The following NUP210 variants were observed in gnomAD, a reference collection of about 807,000 sequenced individuals.
NUP210 encodes the protein nucleoporin 210, also known as nuclear pore membrane glycoprotein 210.
Under a neutral mutation model 196.0 loss-of-function variants are expected in NUP210, and 151 were observed. The observed-to-expected ratio is 0.77, with a 90% CI of 0.67 to 0.88. The LOEUF is 0.88. Among genes scored for constraint, NUP210 ranks in the 40% least tolerant of loss-of-function variants. NUP210 has a pLI of 0.00. For synonymous variants in NUP210, 1,070 were observed against 1,052.7 expected (o/e 1.02, Z -0.32); for missense variants, 2,314 against 2,493.7 (o/e 0.93, Z 1.53).
At chr3:13,385,289 TGGAAC>T (rs1430556027) in intron 6 of NUP210, among the ~76,000 whole-genome samples, 2 of 152,140 alleles carry the variant, frequency 1.3e-5, no homozygotes, top group African/African-American at 4.8e-5. Context: ...GTATCACAGG[TGGAAC>T]CAACCTACCA....
chr3:13,388,430 G>A lies in NUP210; in HGVS notation c.557C>T (p.Thr186Met), dbSNP rs201610209. 2.1e-5 allele frequency: 33 copies of A among 1,608,710 alleles called. No homozygotes were observed. The highest frequency in any genetic ancestry group is 2.2e-5 in the South Asian group (2 of 90,146). The change falls in exon 5 of 40, where the codon ACG becomes ATG. Residue 186 changes from threonine (T) to methionine (M), a missense_variant. Transcript: ENST00000254508. Reference protein sequence around the residue: ...ALRILTFLESTYIPPSYISEM... With the variant: ...ALRILTFLESMYIPPSYISEM... ...TGAGATGTAAGAAGGAGGGATGTAC[G>A]TAGACTCCAAGAAAGTGAGGATTCT...
chr3:13,339,912 A>T lies in NUP210; in HGVS notation c.3413T>A (p.Val1138Glu). The change falls in exon 25 of 40, where the codon GTG (valine) becomes GAG (glutamate). Residue 1138 changes from valine to glutamate, a missense_variant. Transcript: ENST00000254508. The stretch of plus-strand genomic sequence containing the variant: ...ATCCACTGCCTGCACGAGCCCAGAC[A>T]CAGTGCCGTTCCCGATGGCGAGGCC... ...VQGLAIGNGT[V>E]SGLVQAVDAE... 1 of 1,614,052 alleles carries T rather than the reference A, an allele frequency of 6.2e-7. No individual in the cohort carries two copies. Among genetic ancestry groups the T allele is most frequent in the Admixed American group, 1.7e-5 (1 of 60,030 alleles).
chr3:13,357,832 C>T (rs1316455569), intron 16 of NUP210, among the ~76,000 whole-genome samples: 2 of 152,200 alleles, frequency 1.3e-5, no homozygotes, highest in African/African-American at 4.8e-5. Flanking sequence ...CCTCAGCAGC[C>T]CCCACGCCTA....
At chr3:13,349,757 T>C (rs1345004621) in intron 20 of NUP210, among the ~76,000 whole-genome samples, 1 of 152,188 alleles carries the variant, frequency 6.6e-6, no homozygotes, top group Non-Finnish European at 1.5e-5. Flanking sequence ...AGTCCAAGCC[T>C]AAGCACACTC....
chr3:13,343,402 C>A, intron 20 of NUP210, 99 bp from the exon 21 acceptor site: 1 of 1,435,728 alleles, frequency 7.0e-7, no homozygotes, highest in Non-Finnish European at 9.4e-7. Flanking sequence ...GCCCTCAGCA[C>A]CAGCCTATCA....
intron 4 of NUP210, among the ~76,000 whole-genome samples, 156 bp from the exon 5 acceptor site, chr3:13,388,609 G>A (rs1341294741): frequency 2.6e-5 from 4 of 152,334 alleles, no homozygotes; most frequent in Middle Eastern, 6.8e-3. Context: ...CTAGAGACAC[G>A]GCCCTGCAGC....
At chr3:13,406,505 G>A (rs1700006684) in intron 1 of NUP210, among the ~76,000 whole-genome samples, 1 of 152,148 alleles carries the variant, frequency 6.6e-6, no homozygotes, top group South Asian at 2.1e-4. Flanking sequence ...AGCACTCAAG[G>A]ACACACAGGG....
At chr3:13,322,842 G>C (rs536881891) in intron 34 of NUP210, among the ~76,000 whole-genome samples, 1 of 152,328 alleles carries the variant, frequency 6.6e-6, no homozygotes, top group African/African-American at 2.4e-5. Flanking sequence ...CCAGTGAGGT[G>C]GTTTAAGAAA....
intron 1 of NUP210, among the ~76,000 whole-genome samples, chr3:13,403,903 T>C (rs947748201): frequency 6.6e-6 from 1 of 152,074 alleles, no homozygotes; most frequent in Non-Finnish European, 1.5e-5. Context: ...AGGAGTAAGA[T>C]TCCATCCACC....
rs1696619839 is a variant in NUP210, at chr3:13,323,444, G to A, written c.4645-12C>T. The A allele has an allele frequency of 1.2e-6, 2 of 1,613,696 alleles. No homozygotes were observed. The highest frequency in any genetic ancestry group is 1.7e-6 in the Non-Finnish European group (2 of 1,179,822). On this transcript the variant is annotated splice_polypyrimidine_tract_variant and intron_variant, in intron 33 of 39. Coordinates refer to ENST00000254508, the MANE Select transcript of NUP210 (RefSeq NM_024923.4). The surrounding 1 kb of genome is among the most constrained non-coding windows in gnomAD (Gnocchi z 4.3). ...ACGCTGACCACCACCTAGAGAGGGA[G>A]CCAAGGAAGCTTCATGGAGCGCCGC...
rs1023642794 is a variant in NUP210, at chr3:13,316,511, G to A, written c.*1170C>T. The A allele has an allele frequency of 1.3e-5, 2 of 152,300 alleles. No homozygotes were observed. The highest frequency in any genetic ancestry group is 2.4e-5 in the African/African-American group (1 of 41,470). The allele number at this position is 152,300 out of a possible 1,614,324, so 9.4% of individuals were successfully genotyped here. On this transcript the variant is annotated 3_prime_UTR_variant, in exon 40 of 40. Transcript: ENST00000254508. ...AGCCCAGCCTCGGCCTGGAGCACAG[G>A]GGCCTGTGATCTGAGAATCTCAGAT...
rs960555372 is a variant in NUP210, at chr3:13,379,051, C to T, written c.977-71G>A. On this transcript the variant is annotated intron_variant, in intron 7 of 39. Coordinates refer to ENST00000254508, the MANE Select transcript of NUP210 (RefSeq NM_024923.4). The surrounding 1 kb of genome is among the most constrained non-coding windows in gnomAD (Gnocchi z 4.2). ...AGCTGGCTGGCCAGTTTCAGCTTGG[C>T]TCAGAATCCTGATCATCAAGACATC... The T allele has an allele frequency of 4.7e-6, 6 of 1,273,584 alleles. No homozygotes were observed. In the Admixed American group the frequency reaches 5.1e-5, roughly 11 times the overall value. The allele number at this position is 1,273,584 out of a possible 1,614,324, so 78.9% of individuals were successfully genotyped here. A position where few individuals can be genotyped will look rare whatever the true frequency, so the allele number is the denominator to read the frequency against.
intron 33 of NUP210, among the ~76,000 whole-genome samples, chr3:13,325,368 A>G (rs1179162938): frequency 6.6e-6 from 1 of 152,252 alleles, no homozygotes; most frequent in African/African-American, 2.4e-5. Context: ...TCTCAGCCAG[A>G]CTTGCCCCAC....
intron 20 of NUP210, chr3:13,344,912 A>G: frequency 1.0e-6 from 1 of 985,084 alleles, no homozygotes; most frequent in South Asian, 4.7e-5. Context: ...CTTCCTCAGA[A>G]CAGTCTTCCT....
intron 20 of NUP210, among the ~76,000 whole-genome samples, chr3:13,349,311 G>C (rs1697883396): frequency 6.6e-6 from 1 of 152,182 alleles, no homozygotes; most frequent in Non-Finnish European, 1.5e-5. Context: ...TCCTAGGAGG[G>C]GCAGGATGTC....
chr3:13,322,919 T>A (rs1576340591), intron 34 of NUP210, among the ~76,000 whole-genome samples: 1 of 152,112 alleles, frequency 6.6e-6, no homozygotes, highest in South Asian at 2.1e-4. Context: ...GGGGATGGGG[T>A]TCAACATTCT....
At chr3:13,380,312 G>T (rs183628271) in intron 6 of NUP210, among the ~76,000 whole-genome samples, 1 of 152,184 alleles carries the variant, frequency 6.6e-6, no homozygotes, top group Non-Finnish European at 1.5e-5. Flanking sequence ...CATCTTCCTT[G>T]CTCTGTGGGC....
chr3:13,410,017 TA>T (rs1418559712), intron 1 of NUP210, among the ~76,000 whole-genome samples: 1 of 134,228 alleles, frequency 7.5e-6, no homozygotes, highest in Non-Finnish European at 1.5e-5. Context: ...GTCACCCAGC[TA>T]ATTTTTTTTT....
intron 12 of NUP210, among the ~76,000 whole-genome samples, chr3:13,373,292 G>A (rs914546129): frequency 6.6e-6 from 1 of 152,226 alleles, no homozygotes; most frequent in Non-Finnish European, 1.5e-5. Context: ...GGGGACCTGT[G>A]CAGGGAACAC....
Sources: gnomAD v4.1 joint callset for allele counts (sites outside exome capture counted in the v4.1 genomes callset) on GRCh38, gnomAD v4.1.1 for gene constraint, Gnocchi (gnomAD v3.1) non-coding constraint, MANE v1.5 for transcripts, NCBI Gene and HGNC (gene_info 2026-07-23, HGNC 2026-07-21) for gene names.